Variants in ABCA9 observed in about 807,000 individuals in gnomAD.
ABCA9 encodes the protein ATP-binding cassette sub-family A member 9.
ABCA9 carries 183 observed loss-of-function variants against 205.3 expected under a neutral mutation model. The observed-to-expected ratio is 0.89, with a 90% CI of 0.79 to 1.01. ABCA9 has a LOEUF of 1.01. Among genes scored for constraint, ABCA9 ranks in the 50% least tolerant of loss-of-function variants. ABCA9 has a pLI of 0.00. For synonymous variants in ABCA9, 651 were observed against 683.3 expected (o/e 0.95, Z 0.74); for missense variants, 1,805 against 1,912.4 (o/e 0.94, Z 1.05).
intron 31 of ABCA9, among the ~76,000 whole-genome samples, chr17:68,987,735 CG>C (rs1332455688): frequency 6.9e-6 from 1 of 144,110 alleles, no homozygotes; most frequent in Non-Finnish European, 1.5e-5. Context: ...ACCTCATTTG[CG>C]TTTTTTTTTG....
At chr17:69,058,788 G>A (rs1020053191) in intron 1 of ABCA9, among the ~76,000 whole-genome samples, 6 of 151,276 alleles carry the variant, frequency 4.0e-5, no homozygotes, top group African/African-American at 1.5e-4. Context: ...GCAGTGAGCC[G>A]AGATTCCGCC....
chr17:68,998,467 T>G (rs2069712665), intron 25 of ABCA9, among the ~76,000 whole-genome samples: 1 of 152,210 alleles, frequency 6.6e-6, no homozygotes, highest in Admixed American at 6.5e-5. Context: ...TTCTCTTTTA[T>G]GATTGGTTTT....
intron 25 of ABCA9, among the ~76,000 whole-genome samples, chr17:69,000,702 G>A (rs376566370): frequency 6.6e-6 from 1 of 151,140 alleles, no homozygotes; most frequent in Non-Finnish European, 1.5e-5. Flanking sequence ...CATTGAATCT[G>A]TAAATTACCT....
rs2069473909 is a variant in ABCA9 at position 68,992,188 on chromosome 17, C to G, written c.3703G>C (p.Asp1235His). Residue 1235 changes from aspartate to histidine, a missense_variant, in exon 28 of 39, where the codon GAT becomes CAT. Coordinates refer to ENST00000340001, the MANE Select transcript of ABCA9 (RefSeq NM_080283.4). Reference protein sequence around the residue: ...MNCRKKLMRKDPVFRISPRSN... With the variant: ...MNCRKKLMRKHPVFRISPRSN... Reference sequence around the variant, plus strand: ...GATTTTCTCAACCTGAACACAGGATCCTTTCTCATTAGTTTCTTCCTGCAG... The same window carrying G: ...GATTTTCTCAACCTGAACACAGGATGCTTTCTCATTAGTTTCTTCCTGCAG... 4 of 1,586,630 alleles carry G rather than the reference C, an allele frequency of 2.5e-6. No individual in the cohort carries two copies. The East Asian group carries it at 6.8e-5, about 27-fold the overall frequency.
At chr17:69,028,465 C>A in intron 12 of ABCA9, 70 bp downstream of exon 12, 2 of 1,111,610 alleles carry the variant, frequency 1.8e-6, no homozygotes, top group Non-Finnish European at 2.6e-6. Flanking sequence ...GTGCCCAGCC[C>A]CAGTTAAATA....
chr17:69,020,823 C>A (rs1269710072), intron 18 of ABCA9: 2 of 416,298 alleles, frequency 4.8e-6, no homozygotes, highest in South Asian at 3.6e-5. Flanking sequence ...CTGTCTGCAG[C>A]TTTATAGGAC....
At chr17:69,016,602 C>A (rs961234174) in intron 21 of ABCA9, among the ~76,000 whole-genome samples, 4 of 152,100 alleles carry the variant, frequency 2.6e-5, no homozygotes, top group African/African-American at 9.7e-5. Flanking sequence ...ATAACATCAA[C>A]CATGTGGCTA....
rs765312020 is a variant in ABCA9 at position 69,026,410 on chromosome 17, A to G, written c.2108T>C (p.Leu703Pro). The G allele has an allele frequency of 1.1e-5, 17 of 1,613,912 alleles. No homozygotes were observed. The highest frequency in any genetic ancestry group is 1.4e-5 in the Non-Finnish European group (17 of 1,179,820). Reference protein sequence around the residue: ...KLKCAGSSLFLKKKWGIGYHL... With the variant: ...KLKCAGSSLFPKKKWGIGYHL... ...GTAGCCTATGCCCCATTTCTTCTTA[A>G]GGAACAGAGAAGAGCCTGCACACTT... The change falls in exon 16 of 39, where the codon CTT becomes CCT. Residue 703 changes from leucine (L) to proline (P), a missense_variant. By Grantham distance (98) the Leu-to-Pro change is moderately conservative. Coordinates refer to ENST00000340001, the MANE Select transcript of ABCA9 (RefSeq NM_080283.4).
intron 26 of ABCA9, among the ~76,000 whole-genome samples, chr17:68,994,875 C>A (rs2069566306): frequency 6.6e-6 from 1 of 152,148 alleles, no homozygotes; most frequent in Non-Finnish European, 1.5e-5. Context: ...TCTCTAACAT[C>A]AGCATAGTAT....
At chr17:68,982,696 T>C in intron 36 of ABCA9, 55 bp from the exon 37 acceptor site, 2 of 1,389,490 alleles carry the variant, frequency 1.4e-6, no homozygotes, top group East Asian at 2.3e-5. Flanking sequence ...GAAACCCCGA[T>C]GGGTACAAGT....
chr17:69,057,202 G>T (rs566109832), intron 1 of ABCA9, among the ~76,000 whole-genome samples: 105 of 152,300 alleles, frequency 6.9e-4, no homozygotes, highest in Non-Finnish European at 1.4e-3. Flanking sequence ...GAATGAATCA[G>T]CCAAATAGAG....
At chr17:68,977,078 T>C (rs545163138) in intron 37 of ABCA9, among the ~76,000 whole-genome samples, 1 of 152,268 alleles carries the variant, frequency 6.6e-6, no homozygotes, top group East Asian at 1.9e-4. Context: ...CCTGCACTTG[T>C]AGAGTTTAGA....
rs760259154 is a variant in ABCA9, at chr17:69,018,583, T to G, written c.2601-4A>C. On this transcript the variant is annotated splice_region_variant and splice_polypyrimidine_tract_variant and intron_variant, in intron 19 of 38. Transcript: ENST00000340001. ...GCTAATACCAAAAAGCAATAATCTA[T>G]GCAGAGGAAAATGTAAAAGAAAAAA... is the stretch of plus-strand genomic sequence containing the variant. 1.9e-6 allele frequency: 3 copies of G among 1,558,022 alleles called. No homozygotes were observed. The highest frequency in any genetic ancestry group is 1.7e-6 in the Non-Finnish European group (2 of 1,160,476).
intron 23 of ABCA9, among the ~76,000 whole-genome samples, chr17:69,010,795 T>C (rs1239522933): frequency 6.6e-6 from 1 of 152,042 alleles, no homozygotes; most frequent in African/African-American, 2.4e-5. Context: ...ATGGATTAAA[T>C]AAAGGAGATA....
chr17:69,063,151 A>G (rs2072298237), upstream of ABCA9, among the ~76,000 whole-genome samples: 1 of 147,132 alleles, frequency 6.8e-6, no homozygotes, highest in African/African-American at 2.4e-5. Flanking sequence ...TCAAATTACA[A>G]ATGCTATGCT....
intron 1 of ABCA9, among the ~76,000 whole-genome samples, chr17:69,055,617 A>G (rs2072045882): frequency 6.6e-6 from 1 of 152,332 alleles, no homozygotes; most frequent in Admixed American, 6.5e-5. Context: ...CAGGCAGAAA[A>G]TAAATAAAAT....
intron 7 of ABCA9, 55 bp downstream of exon 7, chr17:69,035,605 G>C: frequency 6.3e-7 from 1 of 1,586,246 alleles, no homozygotes; most frequent in South Asian, 1.1e-5. Flanking sequence ...ATAAATTATT[G>C]GCAGTAGAGA....
chr17:69,013,447 A>AG lies in ABCA9; in HGVS notation c.3040-1365dup, dbSNP rs142706424. Among the ~76,000 whole-genome samples the AG allele has an allele frequency of 7.9e-3, 1,189 of 150,510 alleles. 20 individuals are homozygous for AG. The highest frequency in any genetic ancestry group is 0.027 in the African/African-American group (1,113 of 40,892). On this transcript the variant is annotated intron_variant, in intron 22 of 38. Transcript: ENST00000340001. Reference sequence around the variant, plus strand: ...GTGTTTGTGTAGATAAGGCCCTGGGAGGGGAAAAAAGGGTGCCAAAGACTA... The same window carrying AG: ...GTGTTTGTGTAGATAAGGCCCTGGGAGGGGGAAAAAAGGGTGCCAAAGACTA...
chr17:69,035,600 T>C (rs2071306808), intron 7 of ABCA9, 60 bp downstream of exon 7: 3 of 1,581,848 alleles, frequency 1.9e-6, no homozygotes, highest in Admixed American at 3.6e-5. Flanking sequence ...TAGTGATAAA[T>C]TATTGGCAGT....
Sources: allele counts gnomAD v4.1 joint callset (sites outside exome capture counted in the v4.1 genomes callset), GRCh38; gene constraint gnomAD v4.1.1; transcripts MANE v1.5; gene names NCBI Gene and HGNC (gene_info 2026-07-23, HGNC 2026-07-21).